Variants in NELFB observed in about 807,000 individuals in gnomAD.
NELFB encodes the protein negative elongation factor B.
Under a neutral mutation model 60.2 loss-of-function variants are expected in NELFB, and 34 were observed. The observed-to-expected ratio is 0.56, with a 90% confidence interval of 0.43 to 0.75. NELFB has a LOEUF of 0.75. Among genes scored for constraint, NELFB ranks in the 30% least tolerant of loss-of-function variants. NELFB has a pLI of 0.00. For synonymous variants in NELFB, 459 were observed against 382.1 expected (o/e 1.20, Z -2.35); for missense variants, 770 against 831.6 (o/e 0.93, Z 0.91).
At position 137,255,512 on chromosome 9, in the gene NELFB, G is replaced by A; in HGVS notation, c.147G>A (p.Met49Ile). ...GGGCGGTGGCCGGGGCCTCGGCCAT[G>A]TTCGCGGGGCTGCAGGACCTGGGCG... Residue 49 changes from methionine (M) to isoleucine (I), a missense_variant, in exon 1 of 13, where the codon ATG becomes ATA. Physicochemically the swap from Met to Ile is conservative, Grantham distance 10. Transcript: ENST00000343053. 1.3e-6 allele frequency: 2 copies of A among 1,536,484 alleles called. No homozygotes were observed. Among genetic ancestry groups the A allele is most frequent in the Non-Finnish European group, 8.8e-7 (1 of 1,142,426 alleles).
intron 12 of NELFB, 75 bp downstream of exon 12, chr9:137,272,690 G>A: frequency 3.9e-6 from 6 of 1,529,862 alleles, no homozygotes; most frequent in Non-Finnish European, 5.3e-6. Flanking sequence ...AGCTGCCCTT[G>A]TGGTGCTTGT....
chr9:137,264,392 G>T (rs1196290646), intron 6 of NELFB, 35 bp downstream of exon 6: 2 of 1,484,350 alleles, frequency 1.3e-6, no homozygotes, highest in South Asian at 2.4e-5. Flanking sequence ...CTGCCCCTCA[G>T]GGCCCTGCGT....
intron 4 of NELFB, 36 bp downstream of exon 4, chr9:137,257,090 C>A: frequency 6.4e-7 from 1 of 1,569,194 alleles, no homozygotes; most frequent in Non-Finnish European, 8.7e-7. Context: ...TGGGGCACCT[C>A]TTGGGGATGC....
Position 137,272,979 on chromosome 9 carries a change from G to C in NELFB, c.*51G>C. 1.4e-6 allele frequency: 2 copies of C among 1,459,160 alleles called. No individual in the cohort carries two copies. Among genetic ancestry groups the C allele is most frequent in the East Asian group, 2.5e-5 (1 of 39,632 alleles). The allele number at this position is 1,459,160 out of a possible 1,614,324, so 90.4% of individuals were successfully genotyped here. ...TGGGGCCATGCCGAGTCGCGGCCCT[G>C]CTCAGCCGGAAGAGGCTCCCGGACC... On this transcript the variant is annotated 3_prime_UTR_variant, in exon 13 of 13. Transcript: ENST00000343053.
At position 137,272,859 on chromosome 9, in the gene NELFB, G is replaced by C; in HGVS notation, c.1818G>C (p.Pro606=). The change falls in exon 13 of 13, where the codon CCG becomes CCC. Residue 606 remains proline, a synonymous_variant. Transcript: ENST00000343053. ...AGCTGGATCACCGGAAGCCCAGCCC[G>C]GCACAGGCTGCGGAGACGCCGGCCC... The C allele has an allele frequency of 6.5e-7, 1 of 1,549,578 alleles. No homozygotes were observed. The highest frequency in any genetic ancestry group is 8.7e-7 in the Non-Finnish European group (1 of 1,146,532).
chr9:137,258,750 C>T (rs752998005), intron 4 of NELFB, among the ~76,000 whole-genome samples: 2 of 152,016 alleles, frequency 1.3e-5, no homozygotes, highest in Non-Finnish European at 2.9e-5. Context: ...CCACTGCGCC[C>T]GGCCCTAACC....
At chr9:137,261,850 G>C (rs1830450764) in intron 4 of NELFB, among the ~76,000 whole-genome samples, 1 of 151,770 alleles carries the variant, frequency 6.6e-6, no homozygotes, top group Non-Finnish European at 1.5e-5. Context: ...ATGTCAGGCT[G>C]CGCTGATATT....
At chr9:137,257,896 C>T (rs1243701998) in intron 4 of NELFB, among the ~76,000 whole-genome samples, 2 of 151,792 alleles carry the variant, frequency 1.3e-5, no homozygotes, top group Non-Finnish European at 2.9e-5. Flanking sequence ...GCAGCTTTGA[C>T]TTCCTGAGCT....
In NELFB at chr9:137,271,459, G is replaced by A. The variant is rs117616499; in HGVS notation, c.1490-622G>A. 4.0e-3 allele frequency among the ~76,000 whole-genome samples: 610 copies of A among 152,382 alleles called. 2 individuals are homozygous for A. Among genetic ancestry groups the A allele is most frequent in the East Asian group, 0.016 (85 of 5,180 alleles). On this transcript the variant is annotated intron_variant, in intron 10 of 12. Transcript: ENST00000343053. ...CGCCCTCCCTCCCTGCAGGGGCCCC[G>A]TTTGGGGCGTTGTGCTGGCTCTTGG...
chr9:137,272,482 C>T (rs1483952796), intron 11 of NELFB, 25 bp from the exon 12 acceptor site: 1 of 1,599,506 alleles, frequency 6.3e-7, no homozygotes, highest in Non-Finnish European at 8.5e-7. Flanking sequence ...TGCCTCCTGC[C>T]CCAGCCCTGC....
chr9:137,267,172 G>A lies in NELFB; in HGVS notation c.1383-68G>A, dbSNP rs112225955. ...AGGGGGCTGCCTCAGGGCTGGGCAGGGGTCGGTGTGGGGCTGAGGTGGGGC... is the reference window on the plus strand; with the variant it reads ...AGGGGGCTGCCTCAGGGCTGGGCAGAGGTCGGTGTGGGGCTGAGGTGGGGC... On this transcript the variant is annotated intron_variant, in intron 9 of 12. Coordinates refer to ENST00000343053, the MANE Select transcript of NELFB (RefSeq NM_015456.5). 48 of 1,611,252 alleles carry A rather than the reference G, an allele frequency of 3.0e-5. 1 individual carries two copies. The highest frequency in any genetic ancestry group is 3.5e-4 in the Middle Eastern group (2 of 5,700).
chr9:137,257,173 T>C, intron 4 of NELFB, 119 bp downstream of exon 4: 1 of 864,390 alleles, frequency 1.2e-6, no homozygotes, highest in South Asian at 1.7e-5. Context: ...GTTCTGCTTC[T>C]TGGCTGGGTG....
chr9:137,270,863 G>A (rs1830576298), intron 10 of NELFB, among the ~76,000 whole-genome samples: 1 of 152,238 alleles, frequency 6.6e-6, no homozygotes, highest in Non-Finnish European at 1.5e-5. Flanking sequence ...AGGTTGCAGT[G>A]AGCTGAGATT....
In NELFB at chr9:137,269,337, C is replaced by T. The variant is rs902789923; in HGVS notation, c.1489+1991C>T. 6.6e-6 allele frequency among the ~76,000 whole-genome samples: 1 copy of T among 152,106 alleles called. No homozygotes were observed. Among genetic ancestry groups the T allele is most frequent in the African/African-American group, 2.4e-5 (1 of 41,420 alleles). On this transcript the variant is annotated intron_variant, in intron 10 of 12. Transcript: ENST00000343053. The surrounding 1 kb of genome is among the most constrained non-coding windows in gnomAD (Gnocchi z 5.3). ...GGGCTTCTGCGGGTGCCAACACTGC[C>T]GCTCCTTCTGGAGGCTCAGGGAGGC... is the stretch of plus-strand genomic sequence containing the variant.
chr9:137,256,467 C>T (rs758557165), intron 3 of NELFB, 39 bp downstream of exon 3: 3 of 1,569,380 alleles, frequency 1.9e-6, no homozygotes, highest in Non-Finnish European at 2.6e-6. Flanking sequence ...GTGGACCGTC[C>T]GCCCACTCTC....
At chr9:137,263,413 C>T (rs1197632695) in intron 5 of NELFB, among the ~76,000 whole-genome samples, 191 bp downstream of exon 5, 2 of 118,582 alleles carry the variant, frequency 1.7e-5, no homozygotes, top group African/African-American at 6.8e-5. Context: ...CTCCGCCCTC[C>T]TGAAGGTAGC....
intron 6 of NELFB, among the ~76,000 whole-genome samples, chr9:137,265,315 TTTTG>T (rs1444908384): frequency 1.3e-5 from 2 of 151,242 alleles, no homozygotes; most frequent in Non-Finnish European, 2.9e-5. Context: ...CCAGCCTTTT[TTTTG>T]TTTGTTTTTT....
chr9:137,269,538 G>A lies in NELFB; in HGVS notation c.1489+2192G>A, dbSNP rs1437254138. ...TACCGTGGACCACATATACGACCAC[G>A]CGGTCACATAAGCTGACAATACTGT... On this transcript the variant is annotated intron_variant, in intron 10 of 12. Transcript: ENST00000343053. This position sits in a 1 kb window ranked among gnomAD's most constrained non-coding sequence, Gnocchi z 5.3. Among the ~76,000 whole-genome samples the A allele has an allele frequency of 6.6e-6, 1 of 152,210 alleles. No homozygotes were observed. Among genetic ancestry groups the A allele is most frequent in the Non-Finnish European group, 1.5e-5 (1 of 68,036 alleles).
intron 6 of NELFB, 79 bp downstream of exon 6, chr9:137,264,436 G>C: frequency 2.9e-6 from 3 of 1,024,350 alleles, no homozygotes; most frequent in Non-Finnish European, 4.4e-6. Context: ...TTTTGCCGTG[G>C]GTAGCAGGCG....
Sources: allele counts gnomAD v4.1 joint callset (sites outside exome capture counted in the v4.1 genomes callset), GRCh38; gene constraint gnomAD v4.1.1; non-coding constraint Gnocchi (gnomAD v3.1); transcripts MANE v1.5; gene names NCBI Gene and HGNC (gene_info 2026-07-23, HGNC 2026-07-21).